Variants in TLCD4 observed in about 807,000 individuals in gnomAD.
TLCD4 encodes TLC domain containing 4.
Under a neutral mutation model 24.2 loss-of-function variants are expected in TLCD4, and 7 were observed. The observed-to-expected ratio is 0.29, with a 90% CI of 0.16 to 0.54. TLCD4 has a LOEUF of 0.54. Among genes scored for constraint, TLCD4 ranks in the 20% least tolerant of loss-of-function variants. The probability of loss-of-function intolerance (pLI) is 0.95; values close to 1 mark genes in which losing one functional copy is unlikely to be tolerated. For missense variants in TLCD4, 259 were observed against 313.9 expected (o/e 0.82, Z 1.32); for synonymous variants, 103 against 106.4 (o/e 0.97, Z 0.20).
chr1:95,105,196 G>T, the TLCD4 span, among the ~76,000 whole-genome samples: 59 of 152,296 alleles, frequency 3.9e-4, no homozygotes, highest in Admixed American at 2.4e-3. Context: ...ACAATGCAAT[G>T]AAACGCATTC....
At chr1:95,106,978 G>A in the TLCD4 span, among the ~76,000 whole-genome samples, 3 of 152,164 alleles carry the variant, frequency 2.0e-5, no homozygotes, top group African/African-American at 7.2e-5. Context: ...ACTTCGGTTA[G>A]TGATACACAT....
upstream of TLCD4, among the ~76,000 whole-genome samples, chr1:95,115,088 T>TTATATATATATATATATATATACACATTA (rs71588543): frequency 2.1e-5 from 3 of 143,848 alleles, no homozygotes; most frequent in African/African-American, 5.1e-5. Context: ...TATATACACA[T>TTATATATATATATATATATATACACATTA]TATATATATA....
chr1:95,155,206 A>G (rs970070375), intron 5 of TLCD4, among the ~76,000 whole-genome samples: 7 of 151,952 alleles, frequency 4.6e-5, no homozygotes, highest in East Asian at 1.9e-4. Context: ...AAAATTTCCC[A>G]TAGTAAGAAA....
rs562851445 is a variant in TLCD4 at position 95,126,428 on chromosome 1, A to G, written c.-12+8811A>G. 1.3e-3 allele frequency among the ~76,000 whole-genome samples: 30 copies of G among 23,560 alleles called. No individual in the cohort carries two copies. In the East Asian group the frequency reaches 0.045, roughly 35 times the overall value. 15.5% of individuals were successfully genotyped at this position (23,560 alleles called of 152,430 possible). A position where few individuals can be genotyped will look rare whatever the true frequency, so the allele number is the denominator to read the frequency against. ...AGGTGACAGAACGAGACTCTGTCTC[A>G]GGAGAAAAAAAAAAAAAAAGGCTGG... On this transcript the variant is annotated intron_variant, in intron 1 of 6. Coordinates refer to ENST00000370203, the MANE Select transcript of TLCD4 (RefSeq NM_152487.3).
intron 1 of TLCD4, chr1:95,120,120 C>G (rs978126339): frequency 6.6e-6 from 1 of 152,148 alleles, no homozygotes; most frequent in Admixed American, 6.5e-5. Flanking sequence ...TTTCTTCTTC[C>G]ATTTGCCTTG....
At chr1:95,094,118 G>A in the TLCD4 span, among the ~76,000 whole-genome samples, 1 of 152,104 alleles carries the variant, frequency 6.6e-6, no homozygotes, top group Admixed American at 6.6e-5. Context: ...ATCATGTGAA[G>A]AAACTTGGGC....
chr1:95,153,951 A>G (rs1186901546), intron 5 of TLCD4, among the ~76,000 whole-genome samples: 1 of 152,132 alleles, frequency 6.6e-6, no homozygotes, highest in Non-Finnish European at 1.5e-5. Flanking sequence ...GGAGACTTCT[A>G]TTTTATGGAA....
At chr1:95,170,121 T>G (rs765479880) in intron 5 of TLCD4, among the ~76,000 whole-genome samples, 9 of 152,102 alleles carry the variant, frequency 5.9e-5, no homozygotes, top group Non-Finnish European at 1.2e-4. Context: ...TGTAGTTACA[T>G]AGAATGCCAT....
At chr1:95,111,531 G>A in the TLCD4 span, among the ~76,000 whole-genome samples, 1 of 152,092 alleles carries the variant, frequency 6.6e-6, no homozygotes, top group African/African-American at 2.4e-5. Flanking sequence ...CAAGATATAA[G>A]CCACAAGGAA....
intron 1 of TLCD4, among the ~76,000 whole-genome samples, chr1:95,140,899 G>C (rs1677181802): frequency 6.6e-6 from 1 of 152,142 alleles, no homozygotes; most frequent in African/African-American, 2.4e-5. Context: ...AATGAACAGG[G>C]GTAGCTGCTT....
At chr1:95,099,803 C>T in the TLCD4 span, among the ~76,000 whole-genome samples, 1 of 151,898 alleles carries the variant, frequency 6.6e-6, no homozygotes, top group East Asian at 1.9e-4. Flanking sequence ...GTATTATCCC[C>T]ATGAAAGTTT....
chr1:95,139,021 C>G (rs1336303862), intron 1 of TLCD4, among the ~76,000 whole-genome samples: 3 of 98,650 alleles, frequency 3.0e-5, no homozygotes, highest in Admixed American at 1.3e-4. Context: ...GACCCAGTCT[C>G]TACAAAAAAA....
upstream of TLCD4, among the ~76,000 whole-genome samples, chr1:95,116,086 C>A (rs955586914): frequency 9.2e-5 from 14 of 152,172 alleles, no homozygotes; most frequent in African/African-American, 1.2e-4. Context: ...AAAAGGGGAA[C>A]ACGCATTTGG....
chr1:95,133,316 A>G (rs1306299725), intron 1 of TLCD4, among the ~76,000 whole-genome samples: 1 of 152,118 alleles, frequency 6.6e-6, no homozygotes, highest in East Asian at 1.9e-4. Flanking sequence ...GCACACCAAC[A>G]TGGCACATGT....
At chr1:95,188,491 G>A (rs923750358) in intron 6 of TLCD4, among the ~76,000 whole-genome samples, 4 of 151,422 alleles carry the variant, frequency 2.6e-5, no homozygotes, top group African/African-American at 9.7e-5. Context: ...TTACCTTGTT[G>A]AAGGTGTGAT....
At position 95,152,585 on chromosome 1, in the gene TLCD4, G is replaced by C. The variant is rs142651665; in HGVS notation, c.399+1166G>C. Among the ~76,000 whole-genome samples, 149 of 152,190 alleles carry C rather than the reference G, an allele frequency of 9.8e-4. 1 individual carries two copies. Among genetic ancestry groups the C allele is most frequent in the African/African-American group, 3.3e-3 (136 of 41,546 alleles). On this transcript the variant is annotated intron_variant, in intron 5 of 6. Coordinates refer to ENST00000370203, the MANE Select transcript of TLCD4 (RefSeq NM_152487.3). ...TACTGAAGAAATAGTTGAAAAGTAA[G>C]ATTCTTTGGAATTTAAGGTATTATA...
At chr1:95,143,771 C>A in intron 1 of TLCD4, 120 bp from the exon 2 acceptor site, 1 of 988,324 alleles carries the variant, frequency 1.0e-6, no homozygotes, top group Non-Finnish European at 1.3e-6. Flanking sequence ...AGTTTATATT[C>A]TTAACATTTG....
chr1:95,194,439 C>A lies in TLCD4; in HGVS notation c.*2571C>A, dbSNP rs190671156. 5.4e-5 allele frequency: 8 copies of A among 148,606 alleles called. No individual in the cohort carries two copies. In the South Asian group the frequency reaches 6.3e-4, roughly 12 times the overall value. 9.2% of individuals were successfully genotyped at this position (148,606 alleles called of 1,614,324 possible). ...AAGACAGAACATATCATTTACTGCA[C>A]GATGAATTTTTCATTTATTAAATGA... is the stretch of plus-strand genomic sequence containing the variant. On this transcript the variant is annotated 3_prime_UTR_variant, in exon 7 of 7. Transcript: ENST00000370203.
chr1:95,111,323 A>AAAG, the TLCD4 span, among the ~76,000 whole-genome samples: 122 of 128,254 alleles, frequency 9.5e-4, 1 homozygote, highest in East Asian at 4.4e-3. Flanking sequence ...CAAAACAAAA[A>AAAG]AAAAGAAAAG....
Sources: gnomAD v4.1 joint callset for allele counts (sites outside exome capture counted in the v4.1 genomes callset) on GRCh38, gnomAD v4.1.1 for gene constraint, MANE v1.5 for transcripts, NCBI Gene and HGNC (gene_info 2026-07-23, HGNC 2026-07-21) for gene names.